SLC9A3: variants seen among roughly 807,000 people sequenced by gnomAD.
SLC9A3 encodes the protein solute carrier family 9 member A3.
SLC9A3 carries 37 observed loss-of-function variants against 86.8 expected under a neutral mutation model. The ratio of observed to expected loss-of-function variants is 0.43; its 90% CI spans 0.33 to 0.56. SLC9A3 has a LOEUF of 0.56. Ranked by LOEUF, SLC9A3 falls within the 20% of genes least tolerant of loss-of-function variation. The probability of loss-of-function intolerance (pLI) is 0.06; values close to 1 mark genes in which losing one functional copy is unlikely to be tolerated. For missense variants in SLC9A3, 1,011 were observed against 1,171.9 expected, an observed-to-expected ratio of 0.86 and a Z score of 2.00; for synonymous variants, 581 against 528.3, an observed-to-expected ratio of 1.10 and a Z score of -1.37.
Position 496,444 on chromosome 5 carries a change from GTGTCGGCTTGCTCCCCTGCCGGGC to G in SLC9A3, c.212-4397_212-4374del, listed in dbSNP as rs1740025528. Reference sequence around the variant, plus strand: ...GCGTGAACGACCCCGTTCTGTGAAAGTGTCGGCTTGCTCCCCTGCCGGGCACTGATCCTTTCCTATTGACACGAG... The same window carrying G: ...GCGTGAACGACCCCGTTCTGTGAAAGACTGATCCTTTCCTATTGACACGAG... On this transcript the variant is annotated intron_variant, in intron 1 of 16. Transcript: ENST00000264938. The surrounding 1 kb of genome is among the most constrained non-coding windows in gnomAD (Gnocchi z 4.7). Among the ~76,000 whole-genome samples, 1 of 152,254 alleles carries G rather than the reference GTGTCGGCTTGCTCCCCTGCCGGGC, an allele frequency of 6.6e-6. No individual in the cohort carries two copies. The highest frequency in any genetic ancestry group is 1.5e-5 in the Non-Finnish European group (1 of 68,048).
chr5:487,919 C>T (rs111510863), intron 3 of SLC9A3, among the ~76,000 whole-genome samples: 6,034 of 152,296 alleles, frequency 0.04, 353 homozygotes, highest in African/African-American at 0.13. Context: ...CCACCTGCCT[C>T]GGCCTCCCAA....
rs1364405475 is a variant in SLC9A3, at chr5:472,337, T to G, written c.*1042A>C. Reference sequence around the variant, plus strand: ...TTCTCCTTGGAGGGCCTGAGCCTGGTAGGGGGGCGGTGCCCTGGGCCCCTC... The same window carrying G: ...TTCTCCTTGGAGGGCCTGAGCCTGGGAGGGGGGCGGTGCCCTGGGCCCCTC... On this transcript the variant is annotated 3_prime_UTR_variant, in exon 17 of 17. Coordinates refer to ENST00000264938, the MANE Select transcript of SLC9A3 (RefSeq NM_004174.4). 1 of 335,380 alleles carries G rather than the reference T, an allele frequency of 3.0e-6. No individual in the cohort carries two copies. Among genetic ancestry groups the G allele is most frequent in the African/African-American group, 2.2e-5 (1 of 46,160 alleles). 20.8% of individuals were successfully genotyped at this position (335,380 alleles called of 1,614,324 possible). A position where few individuals can be genotyped will look rare whatever the true frequency, so the allele number is the denominator to read the frequency against.
chr5:482,831 G>A, intron 6 of SLC9A3, 81 bp from the exon 7 acceptor site: 2 of 1,160,174 alleles, frequency 1.7e-6, no homozygotes, highest in Non-Finnish European at 2.5e-6. Flanking sequence ...ACAGCGTCTT[G>A]GCGGCCAAGC....
At chr5:511,141 G>A (rs969925829) in intron 1 of SLC9A3, among the ~76,000 whole-genome samples, 1 of 152,180 alleles carries the variant, frequency 6.6e-6, no homozygotes, top group African/African-American at 2.4e-5. Context: ...TGGCCTTGCT[G>A]GGCAGGGGCA....
chr5:513,869 A>G (rs1239790123), intron 1 of SLC9A3, among the ~76,000 whole-genome samples: 1 of 152,224 alleles, frequency 6.6e-6, no homozygotes, highest in Non-Finnish European at 1.5e-5. Context: ...CCCATTTGTC[A>G]GCACCTCTGG....
At position 524,328 on chromosome 5, in the gene SLC9A3, C is replaced by T. The variant is rs926028765; in HGVS notation, c.-6G>A. On this transcript the variant is annotated 5_prime_UTR_variant, in exon 1 of 17. Transcript: ENST00000264938. ...CGGGCCCCGAGTCCCCACATTGCCG[C>T]CTGCTCAGCGCAGGGCTGGGACGCG... The T allele has an allele frequency of 2.4e-5, 30 of 1,237,182 alleles. No individual in the cohort carries two copies. Among genetic ancestry groups the T allele is most frequent in the Non-Finnish European group, 2.0e-6 (2 of 979,564 alleles). The allele number at this position is 1,237,182 out of a possible 1,614,324, so 76.6% of individuals were successfully genotyped here.
chr5:479,388 A>C, intron 10 of SLC9A3: 1 of 178,866 alleles, frequency 5.6e-6, no homozygotes, highest in South Asian at 1.0e-4. Flanking sequence ...GTGGACTGGG[A>C]GATGCTGGAG....
chr5:490,537 T>A (rs1428687207), intron 2 of SLC9A3, among the ~76,000 whole-genome samples: 1 of 152,042 alleles, frequency 6.6e-6, no homozygotes, highest in Admixed American at 6.5e-5. Context: ...AGCCACGGAG[T>A]GTGCCCGGCT....
intron 15 of SLC9A3, 73 bp from the exon 16 acceptor site, chr5:475,205 T>G: frequency 6.8e-7 from 1 of 1,472,014 alleles, no homozygotes; most frequent in Non-Finnish European, 9.1e-7. Flanking sequence ...GCCGGGGCCG[T>G]CACCTGCTGG....
intron 3 of SLC9A3, among the ~76,000 whole-genome samples, chr5:487,476 ACCCACCGCAC>A (rs1739523663): frequency 1.3e-4 from 1 of 7,738 alleles, no homozygotes; most frequent in African/African-American, 3.3e-4. Context: ...CCACACTGAC[ACCCACCGCAC>A]TGACACCCAC....
Position 492,071 on chromosome 5 carries a change from C to T in SLC9A3, c.212G>A (p.Gly71Glu). Residue 71 changes from glycine (G) to glutamate (E), a missense_variant and splice_region_variant, in exon 2 of 17, where the codon GGG becomes GAG. Around this residue, in one of 3 missense-constraint regions of SLC9A3, gnomAD observed 565 missense variants for 790.0 expected, o/e 0.72. Transcript: ENST00000264938. ...WILVASLAKI[G>E]FHLSHKVTSV... ...GGTGACCTTGTGGGACAGGTGGAACCCTGTGGGGGAAGGGAGGGAGGTCAG... is the reference window on the plus strand; with the variant it reads ...GGTGACCTTGTGGGACAGGTGGAACTCTGTGGGGGAAGGGAGGGAGGTCAG... The T allele has an allele frequency of 1.4e-6, 2 of 1,440,322 alleles. No individual in the cohort carries two copies. The highest frequency in any genetic ancestry group is 9.3e-7 in the Non-Finnish European group (1 of 1,075,388). 89.2% of individuals were successfully genotyped at this position (1,440,322 alleles called of 1,614,324 possible).
chr5:482,856 A>G, intron 6 of SLC9A3, 106 bp from the exon 7 acceptor site: 1 of 860,516 alleles, frequency 1.2e-6, no homozygotes, highest in African/African-American at 1.7e-5. Flanking sequence ...GCTGACGAAG[A>G]ACAGCGGCAC....
chr5:507,998 G>A (rs183808552), intron 1 of SLC9A3, among the ~76,000 whole-genome samples: 2 of 151,390 alleles, frequency 1.3e-5, no homozygotes, highest in East Asian at 2.0e-4. Context: ...CCCCACAGAC[G>A]CCTGAATCTC....
chr5:502,853 T>TGCTCAAAGCCGCCGTAACGACACAGAC (rs1370190936), intron 1 of SLC9A3, among the ~76,000 whole-genome samples: 22,150 of 143,286 alleles, frequency 0.15, 2,784 homozygotes, highest in Non-Finnish European at 0.23. Context: ...ATGACACAGA[T>TGCTCAAAGCCGCCGTAACGACACAGAC]GGGCGCTGTG....
intron 1 of SLC9A3, among the ~76,000 whole-genome samples, chr5:502,142 G>A (rs1740306608): frequency 6.6e-6 from 1 of 152,272 alleles, no homozygotes; most frequent in Non-Finnish European, 1.5e-5. Flanking sequence ...TAGAGAATCA[G>A]GAGATCCTTC....
In SLC9A3 at chr5:494,342, G is replaced by A. The variant is rs1360017107; in HGVS notation, c.212-2271C>T. Among the ~76,000 whole-genome samples the A allele has an allele frequency of 5.3e-5, 8 of 152,320 alleles. No individual in the cohort carries two copies. In the South Asian group the frequency reaches 8.3e-4, roughly 16 times the overall value. On this transcript the variant is annotated intron_variant, in intron 1 of 16. Coordinates refer to ENST00000264938, the MANE Select transcript of SLC9A3 (RefSeq NM_004174.4). ...GGTGGCCAGGGACAGACCTGGCCTC[G>A]CAGAGCTTTGGGAAGAGACATGGGT... is the stretch of plus-strand genomic sequence containing the variant.
At chr5:486,671 T>G (rs1426335743) in intron 3 of SLC9A3, among the ~76,000 whole-genome samples, 2 of 152,162 alleles carry the variant, frequency 1.3e-5, no homozygotes, top group Non-Finnish European at 2.9e-5. Context: ...CCTGGGCATG[T>G]GAGCGTGAAA....
rs763548382 is a variant in SLC9A3, at chr5:476,271, C to T, written c.1998G>A (p.Ser666=). The change falls in exon 13 of 17, where the codon TCG becomes TCA. Residue 666 remains serine, a synonymous_variant. Coordinates refer to ENST00000264938, the MANE Select transcript of SLC9A3 (RefSeq NM_004174.4). ...TMRKRLESFK[S]TKLGLNQNKK... ...TGTTCTGGTTGAGCCCCAGCTTGGT[C>T]GACTTGAAGGACTCCAGGCGCTTCC... 1.2e-6 allele frequency: 2 copies of T among 1,613,984 alleles called. No homozygotes were observed. Among genetic ancestry groups the T allele is most frequent in the Non-Finnish European group, 1.7e-6 (2 of 1,180,014 alleles).
chr5:516,308 T>C (rs1733731296), intron 1 of SLC9A3, among the ~76,000 whole-genome samples: 1 of 151,846 alleles, frequency 6.6e-6, no homozygotes, highest in Non-Finnish European at 1.5e-5. Flanking sequence ...GTTTATTGAA[T>C]GAATATTAAA....
Sources: allele counts gnomAD v4.1 joint callset (sites outside exome capture counted in the v4.1 genomes callset), GRCh38; gene constraint gnomAD v4.1.1; regional missense constraint gnomAD v4.1.1; non-coding constraint Gnocchi (gnomAD v3.1); transcripts MANE v1.5; gene names NCBI Gene and HGNC (gene_info 2026-07-23, HGNC 2026-07-21).